The following SRGAP2 variants were observed in gnomAD, a reference collection of about 807,000 sequenced individuals.
SRGAP2 encodes the protein SLIT-ROBO Rho GTPase activating protein 2.
Under a neutral mutation model 57.2 loss-of-function variants are expected in SRGAP2, and 15 were observed. The ratio of observed to expected loss-of-function variants is 0.26; its 90% confidence interval spans 0.18 to 0.40. The LOEUF is 0.40. Ranked by LOEUF, SRGAP2 falls within the 10% of genes least tolerant of loss-of-function variation. The pLI is 1.00. For synonymous variants in SRGAP2, 249 were observed against 248.0 expected (o/e 1.00, Z -0.04); for missense variants, 520 against 669.6 (o/e 0.78, Z 2.47).
At chr1:206,418,596 A>G (rs1659963184) in intron 11 of SRGAP2, among the ~76,000 whole-genome samples, 1 of 152,350 alleles carries the variant, frequency 6.6e-6, no homozygotes, top group East Asian at 1.9e-4. Context: ...ATCATTTCCC[A>G]TGTAGACATG....
At chr1:206,451,628 A>G (rs1476458504) in intron 19 of SRGAP2, among the ~76,000 whole-genome samples, 1 of 152,168 alleles carries the variant, frequency 6.6e-6, no homozygotes, top group East Asian at 1.9e-4. Context: ...AAGGATCCAT[A>G]TGATCATTTG....
chr1:206,419,553 C>A (rs1192992602), intron 12 of SRGAP2, among the ~76,000 whole-genome samples, 153 bp downstream of exon 12: 2 of 152,126 alleles, frequency 1.3e-5, no homozygotes, highest in African/African-American at 4.8e-5. Flanking sequence ...CTTCCCTTTG[C>A]CTTACTGACC....
intron 21 of SRGAP2, chr1:206,455,524 C>CT (rs1663758084): frequency 5.9e-6 from 1 of 170,604 alleles, no homozygotes; most frequent in Non-Finnish European, 1.3e-5. Flanking sequence ...TATCATGTGT[C>CT]TGTTCCTCCC....
At chr1:206,308,070 C>T (rs1241577597) in intron 3 of SRGAP2, among the ~76,000 whole-genome samples, 1 of 140,970 alleles carries the variant, frequency 7.1e-6, no homozygotes, top group Non-Finnish European at 1.6e-5. Context: ...GTGATTTCTC[C>T]AAGTTTAGAA....
intron 18 of SRGAP2, among the ~76,000 whole-genome samples, chr1:206,446,912 G>A (rs1379754774): frequency 6.6e-6 from 1 of 152,108 alleles, no homozygotes; most frequent in African/African-American, 2.4e-5. Flanking sequence ...AGGAATCCCT[G>A]GGATATATGT....
chr1:206,421,144 T>G, intron 12 of SRGAP2, 106 bp from the exon 13 acceptor site: 1 of 588,940 alleles, frequency 1.7e-6, no homozygotes, highest in South Asian at 2.1e-5. Context: ...ATTAAAAACT[T>G]TACTTCTGGG....
chr1:206,265,708 G>A (rs1490203936), intron 2 of SRGAP2, among the ~76,000 whole-genome samples: 1 of 151,746 alleles, frequency 6.6e-6, no homozygotes, highest in East Asian at 1.9e-4. Flanking sequence ...TGTGCAAATT[G>A]AATTACTGTA....
chr1:206,439,849 C>T, intron 16 of SRGAP2, 127 bp from the exon 17 acceptor site: 1 of 650,932 alleles, frequency 1.5e-6, no homozygotes. Context: ...TGTCACTGCA[C>T]CAGTGCTGTG....
intron 18 of SRGAP2, among the ~76,000 whole-genome samples, chr1:206,447,660 C>G (rs1162425418): frequency 1.3e-5 from 2 of 152,192 alleles, no homozygotes; most frequent in Non-Finnish European, 2.9e-5. Context: ...TGACTTAGAG[C>G]TTTGGTTTTC....
intron 8 of SRGAP2, among the ~76,000 whole-genome samples, chr1:206,404,305 G>A (rs1658483469): frequency 6.6e-6 from 1 of 150,530 alleles, no homozygotes; most frequent in East Asian, 2.0e-4. Flanking sequence ...TTTGAAGAAA[G>A]GTTTTTTCTT....
rs560776307 is a variant in SRGAP2, at chr1:206,360,162, G to A, written c.423+17154G>A. 2.0e-5 allele frequency among the ~76,000 whole-genome samples: 3 copies of A among 151,624 alleles called. No homozygotes were observed. The South Asian group carries it at 6.3e-4, about 32-fold the overall frequency. On this transcript the variant is annotated intron_variant, in intron 4 of 22. Transcript: ENST00000573034. ...ACGGCTTCACTGATAAATTGGCATT[G>A]GAACTGATTCTTGGAGGAAATGAGG...
chr1:206,373,435 TAAAG>T (rs1654903170), intron 4 of SRGAP2, among the ~76,000 whole-genome samples: 1 of 63,048 alleles, frequency 1.6e-5, no homozygotes, highest in African/African-American at 6.4e-5. Flanking sequence ...TTTTTCGTTA[TAAAG>T]AGAGACATTT....
intron 4 of SRGAP2, among the ~76,000 whole-genome samples, chr1:206,379,095 TTCTC>T (rs1170119723): frequency 2.0e-5 from 3 of 152,092 alleles, no homozygotes; most frequent in East Asian, 3.9e-4. Context: ...AGTTCAGTCT[TTCTC>T]AGAGCCGTCT....
chr1:206,354,417 G>A (rs1477235504), intron 4 of SRGAP2, among the ~76,000 whole-genome samples: 1 of 152,142 alleles, frequency 6.6e-6, no homozygotes, highest in Admixed American at 6.5e-5. Flanking sequence ...GGGTTTTCAT[G>A]GGAAGCCCAA....
intron 3 of SRGAP2, among the ~76,000 whole-genome samples, chr1:206,334,371 A>T (rs1312997767): frequency 1.3e-5 from 2 of 151,448 alleles, no homozygotes; most frequent in Non-Finnish European, 2.9e-5. Context: ...ATGAGAACTG[A>T]TAATGACACA....
chr1:206,311,156 G>A (rs1297527474), intron 3 of SRGAP2, among the ~76,000 whole-genome samples: 49 of 151,436 alleles, frequency 3.2e-4, no homozygotes, highest in Non-Finnish European at 5.7e-4. Flanking sequence ...TAGTCACATG[G>A]TTATGCTGAA....
intron 3 of SRGAP2, among the ~76,000 whole-genome samples, chr1:206,321,471 C>T (rs1395331021): frequency 1.2e-5 from 1 of 80,396 alleles, no homozygotes; most frequent in African/African-American, 6.3e-5. Context: ...ATCAGCTTAC[C>T]CTTCAACTCT....
At position 206,455,195 on chromosome 1, in the gene SRGAP2, G is replaced by A. The variant is rs1430808832; in HGVS notation, c.2507+171G>A. On this transcript the variant is annotated intron_variant, in intron 21 of 22. Transcript: ENST00000573034. ...CTGCAAGGCGGACAGGGCTGAGGATGCTGCTACAAGCCTCGGGGCAGGTCC... is the reference window on the plus strand; with the variant it reads ...CTGCAAGGCGGACAGGGCTGAGGATACTGCTACAAGCCTCGGGGCAGGTCC... The A allele has an allele frequency of 6.0e-6, 4 of 665,762 alleles. No homozygotes were observed. The East Asian group carries it at 1.0e-4, about 17-fold the overall frequency. The allele number at this position is 665,762 out of a possible 1,614,324, so 41.2% of individuals were successfully genotyped here.
intron 2 of SRGAP2, among the ~76,000 whole-genome samples, chr1:206,291,724 A>G (rs1425386502): frequency 6.7e-6 from 1 of 149,576 alleles, no homozygotes; most frequent in Non-Finnish European, 1.5e-5. Context: ...AATATATAAG[A>G]TGTGTCTGCC....
Sources: allele counts gnomAD v4.1 joint callset (sites outside exome capture counted in the v4.1 genomes callset), GRCh38; gene constraint gnomAD v4.1.1; transcripts MANE v1.5; gene names NCBI Gene and HGNC (gene_info 2026-07-23, HGNC 2026-07-21).